The following RGS10 variants were observed in gnomAD, a reference collection of about 807,000 sequenced individuals.
The protein encoded by RGS10 is regulator of G-protein signalling 10.
In RGS10, 11 loss-of-function variants were observed where a neutral mutation model predicts 23.5. The ratio of observed to expected loss-of-function variants is 0.47; its 90% CI spans 0.29 to 0.77. The LOEUF (loss-of-function observed/expected upper bound fraction) is 0.77, where lower values mean the gene tolerates loss of function less well. RGS10 is among the 30% of genes least tolerant of loss of function. The pLI, the probability that RGS10 is intolerant of heterozygous loss-of-function variation, is 0.08. For missense variants in RGS10, 180 were observed against 226.3 expected (o/e 0.80, Z 1.31); for synonymous variants, 77 against 83.2 (o/e 0.92, Z 0.41).
In RGS10 at chr10:119,527,177, T is replaced by C. The variant is rs911941226; in HGVS notation, c.168+129A>G. 2.2e-5 allele frequency: 14 copies of C among 648,378 alleles called. No individual in the cohort carries two copies. Among genetic ancestry groups the C allele is most frequent in the Admixed American group, 5.3e-5 (2 of 37,856 alleles). 40.2% of individuals were successfully genotyped at this position (648,378 alleles called of 1,614,324 possible). On this transcript the variant is annotated intron_variant, in intron 2 of 4. Transcript: ENST00000369103. The surrounding 1 kb of genome is among the most constrained non-coding windows in gnomAD (Gnocchi z 4.2). ...ACCCTCAAGCTGGGATAGACAGTAC[T>C]GAACTCTCAAGCTGGCATAGAGAGT...
intron 4 of RGS10, among the ~76,000 whole-genome samples, chr10:119,510,651 A>G (rs905550470): frequency 2.6e-5 from 4 of 152,218 alleles, no homozygotes; most frequent in African/African-American, 9.6e-5. Context: ...AAAGGAATGA[A>G]TAAAACAACA....
intron 1 of RGS10, chr10:119,536,360 C>T: frequency 9.7e-7 from 1 of 1,029,694 alleles, no homozygotes; most frequent in Non-Finnish European, 1.5e-6. Context: ...GTCACCTGTG[C>T]ACCTCTGTGT....
intron 3 of RGS10, among the ~76,000 whole-genome samples, chr10:119,525,698 A>G (rs1844266259): frequency 6.6e-6 from 1 of 152,224 alleles, no homozygotes; most frequent in Non-Finnish European, 1.5e-5. Flanking sequence ...GTATCGTTTT[A>G]CCACGTCCAA....
chr10:119,506,329 C>G (rs1215998441), intron 4 of RGS10, among the ~76,000 whole-genome samples: 1 of 152,224 alleles, frequency 6.6e-6, no homozygotes, highest in East Asian at 1.9e-4. Context: ...CCCAGAGCGC[C>G]AGGACGGGCC....
rs142577401 is a variant in RGS10, at chr10:119,520,875, G to A, written c.255+5157C>T. On this transcript the variant is annotated intron_variant, in intron 3 of 4. Coordinates refer to ENST00000369103, the MANE Select transcript of RGS10 (RefSeq NM_001005339.2). ...TGAAATTAAGGGCTCAATGCAGGGC[G>A]TGAAAGGTCATCATTGGAAAAGAGA... Among the ~76,000 whole-genome samples, 1,330 of 151,494 alleles carry A rather than the reference G, an allele frequency of 8.8e-3. 28 individuals are homozygous for A. The highest frequency in any genetic ancestry group is 0.03 in the African/African-American group (1,223 of 41,240).
In RGS10 at chr10:119,516,071, G is replaced by A. The variant is rs768975806; in HGVS notation, c.256-419C>T. On this transcript the variant is annotated intron_variant, in intron 3 of 4. Transcript: ENST00000369103. ...GTTCGAGAGCAGCCTGGCCAACATG[G>A]TGAAACCCCATCTCTAGTAAAAAGA... is the stretch of plus-strand genomic sequence containing the variant. 4.6e-4 allele frequency among the ~76,000 whole-genome samples: 70 copies of A among 152,198 alleles called. 1 individual carries two copies. Among genetic ancestry groups the A allele is most frequent in the Non-Finnish European group, 2.5e-4 (17 of 68,004 alleles).
At chr10:119,521,659 G>GGAAAC (rs1844219674) in intron 3 of RGS10, among the ~76,000 whole-genome samples, 2 of 146,430 alleles carry the variant, frequency 1.4e-5, no homozygotes, top group Non-Finnish European at 3.0e-5. Flanking sequence ...AGGAAGGAAA[G>GGAAAC]GAGGAAAGGG....
intron 4 of RGS10, among the ~76,000 whole-genome samples, chr10:119,507,172 A>G (rs532198714): frequency 3.9e-5 from 6 of 151,986 alleles, no homozygotes; most frequent in African/African-American, 1.4e-4. Context: ...GAAAATACCC[A>G]TTTCTTCCCT....
chr10:119,536,542 G>C, intron 1 of RGS10: 3 of 1,589,588 alleles, frequency 1.9e-6, no homozygotes, highest in Admixed American at 3.5e-5. Context: ...CCTTGTGTGA[G>C]AAAGGCAGAG....
Position 119,506,204 on chromosome 10 carries a change from C to T in RGS10, c.400-5945G>A, listed in dbSNP as rs563653075. On this transcript the variant is annotated intron_variant, in intron 4 of 4. Transcript: ENST00000369103. Reference sequence around the variant, plus strand: ...GGCGCAAACAGGGATGTGCCTACCCCCTAAAGTGAAGACCACCTCCCTCTC... The same window carrying T: ...GGCGCAAACAGGGATGTGCCTACCCTCTAAAGTGAAGACCACCTCCCTCTC... Among the ~76,000 whole-genome samples, 5 of 152,320 alleles carry T rather than the reference C, an allele frequency of 3.3e-5. No homozygotes were observed. The South Asian group carries it at 8.3e-4, about 25-fold the overall frequency.
intron 4 of RGS10, among the ~76,000 whole-genome samples, chr10:119,510,836 A>G (rs1844068574): frequency 6.6e-6 from 1 of 152,090 alleles, no homozygotes; most frequent in Admixed American, 6.6e-5. Flanking sequence ...CTCCTGCCTC[A>G]GCCTCCCGAG....
Position 119,538,828 on chromosome 10 carries a change from G to A in RGS10, c.49+3762C>T, listed in dbSNP as rs1427015232. On this transcript the variant is annotated intron_variant, in intron 1 of 4. Coordinates refer to ENST00000369103, the MANE Select transcript of RGS10 (RefSeq NM_001005339.2). The surrounding 1 kb of genome is among the most constrained non-coding windows in gnomAD (Gnocchi z 4.5). ...AGGCTGCTGCAGCAAAGAACTATCTGGGGGAAGCAGAAGAAACTTGGGGGC... is the reference window on the plus strand; with the variant it reads ...AGGCTGCTGCAGCAAAGAACTATCTAGGGGAAGCAGAAGAAACTTGGGGGC... Among the ~76,000 whole-genome samples the A allele has an allele frequency of 6.6e-6, 1 of 152,146 alleles. No individual in the cohort carries two copies. Among genetic ancestry groups the A allele is most frequent in the African/African-American group, 2.4e-5 (1 of 41,426 alleles).
At chr10:119,536,030 C>T (rs1034687845) in intron 1 of RGS10, among the ~76,000 whole-genome samples, 3 of 152,138 alleles carry the variant, frequency 2.0e-5, no homozygotes, top group Non-Finnish European at 4.4e-5. Context: ...GTGTAAGGCT[C>T]CAGAGAAACT....
At chr10:119,500,625 G>T (rs374478837) in intron 4 of RGS10, among the ~76,000 whole-genome samples, 1 of 151,452 alleles carries the variant, frequency 6.6e-6, no homozygotes, top group Non-Finnish European at 1.5e-5. Flanking sequence ...TGAGACAGCC[G>T]AATAGAAACC....
intron 1 of RGS10, among the ~76,000 whole-genome samples, chr10:119,534,256 AAAATAAATAAAT>A (rs199735313): frequency 0.078 from 9,622 of 122,868 alleles, 433 homozygotes; most frequent in South Asian, 0.16. Flanking sequence ...AACCTGTCTT[AAAATAAATAAAT>A]AAATAAATAA....
intron 4 of RGS10, chr10:119,515,305 T>C (rs940586698): frequency 5.0e-5 from 30 of 603,806 alleles, no homozygotes; most frequent in Non-Finnish European, 8.7e-5. Flanking sequence ...TAAACAGGCC[T>C]GGGGGGACTC....
At chr10:119,503,605 C>T (rs948521561) in intron 4 of RGS10, among the ~76,000 whole-genome samples, 3 of 152,176 alleles carry the variant, frequency 2.0e-5, no homozygotes, top group Non-Finnish European at 4.4e-5. Context: ...TCATTCAGTT[C>T]TCCCTCCAGC....
At chr10:119,534,256 AAAATAAATAAATAAATAAATAAAT>A (rs199735313) in intron 1 of RGS10, among the ~76,000 whole-genome samples, 2,014 of 122,980 alleles carry the variant, frequency 0.016, 60 homozygotes, top group African/African-American at 0.057. Context: ...AACCTGTCTT[AAAATAAATAAATAAATAAATAAAT>A]AAATAAATAA....
Position 119,538,709 on chromosome 10 carries a change from AC to A in RGS10, c.49+3880del, listed in dbSNP as rs1844411137. On this transcript the variant is annotated intron_variant, in intron 1 of 4. Transcript: ENST00000369103. The surrounding 1 kb of genome is among the most constrained non-coding windows in gnomAD (Gnocchi z 4.5). ...ATTTGTCCCCACAAGTCTGCAAGGG[AC>A]TGTCTCACTCCAGCGGATGCCGCCT... 6.6e-6 allele frequency among the ~76,000 whole-genome samples: 1 copy of A among 152,076 alleles called. No individual in the cohort carries two copies. The highest frequency in any genetic ancestry group is 1.5e-5 in the Non-Finnish European group (1 of 67,994).
Sources: allele counts gnomAD v4.1 joint callset (sites outside exome capture counted in the v4.1 genomes callset), GRCh38; gene constraint gnomAD v4.1.1; non-coding constraint Gnocchi (gnomAD v3.1); transcripts MANE v1.5; gene names NCBI Gene and HGNC (gene_info 2026-07-23, HGNC 2026-07-21).